The following PTTG1IP2 variants were observed in gnomAD, a reference collection of about 807,000 sequenced individuals.
PTTG1IP2 encodes the protein PTTG1IP family member 2.
At chr7:90,478,112 A>G (rs993984670) in intron 1 of PTTG1IP2, among the ~76,000 whole-genome samples, 11 of 151,500 alleles carry the variant, frequency 7.3e-5, no homozygotes, top group Admixed American at 2.0e-4. Context: ...AAAAAAAAAA[A>G]AAAAGAAAAA....
Position 90,497,435 on chromosome 7 carries a change from G to A in PTTG1IP2, c.*50+3005G>A, listed in dbSNP as rs367833015. 3.3e-3 allele frequency among the ~76,000 whole-genome samples: 502 copies of A among 151,888 alleles called. 3 individuals are homozygous for A. Among genetic ancestry groups the A allele is most frequent in the African/African-American group, 0.011 (445 of 41,388 alleles). On this transcript the variant is annotated intron_variant, in intron 6 of 6. Coordinates refer to ENST00000509356, the MANE Select transcript of PTTG1IP2 (RefSeq NM_001365443.2). The stretch of plus-strand genomic sequence containing the variant: ...AAAAATTAGCCGGGCGTGGCGGCGG[G>A]CGCCTGTAGTCCCAGCTACTCGGGA...
chr7:90,496,012 A>G (rs979103588), intron 6 of PTTG1IP2, among the ~76,000 whole-genome samples: 9 of 152,358 alleles, frequency 5.9e-5, no homozygotes, highest in Admixed American at 2.6e-4. Context: ...GATTTTCCCC[A>G]CTGACATAAA....
chr7:90,485,166 T>C (rs1293137086), intron 2 of PTTG1IP2, among the ~76,000 whole-genome samples: 1 of 152,136 alleles, frequency 6.6e-6, no homozygotes, highest in Non-Finnish European at 1.5e-5. Flanking sequence ...AAAAGAAGAA[T>C]GGGGACACAA....
chr7:90,480,496 T>A (rs1797803583), intron 2 of PTTG1IP2, among the ~76,000 whole-genome samples: 1 of 152,206 alleles, frequency 6.6e-6, no homozygotes. Flanking sequence ...TCAATTTTTT[T>A]AATGTATGCT....
At chr7:90,484,601 G>T (rs1797848025) in intron 2 of PTTG1IP2, among the ~76,000 whole-genome samples, 1 of 152,110 alleles carries the variant, frequency 6.6e-6, no homozygotes, top group Non-Finnish European at 1.5e-5. Flanking sequence ...TAGGAATGTT[G>T]AATATATTAT....
chr7:90,502,779 G>T (rs1284731526), intron 6 of PTTG1IP2, among the ~76,000 whole-genome samples: 1 of 152,182 alleles, frequency 6.6e-6, no homozygotes, highest in Non-Finnish European at 1.5e-5. Flanking sequence ...CTATCATCTA[G>T]GCTTTGGCAT....
intron 4 of PTTG1IP2, among the ~76,000 whole-genome samples, chr7:90,491,857 G>T (rs1020163763): frequency 4.6e-5 from 7 of 152,162 alleles, no homozygotes; most frequent in Non-Finnish European, 4.4e-5. Flanking sequence ...AAGACCAGGT[G>T]CAGTGGTTCA....
intron 4 of PTTG1IP2, among the ~76,000 whole-genome samples, chr7:90,491,146 G>A (rs1005883): frequency 0.61 from 92,610 of 152,030 alleles, 29,034 homozygotes; most frequent in Non-Finnish European, 0.68. Flanking sequence ...TAATATTATT[G>A]TTCAATAGTT....
chr7:90,489,875 C>T (rs1797919464), intron 4 of PTTG1IP2, among the ~76,000 whole-genome samples: 1 of 151,990 alleles, frequency 6.6e-6, no homozygotes, highest in Non-Finnish European at 1.5e-5. Context: ...CAGCTTACTT[C>T]ATGTTACTTA....
At chr7:90,480,535 C>T (rs758214702) in intron 2 of PTTG1IP2, among the ~76,000 whole-genome samples, 2 of 151,790 alleles carry the variant, frequency 1.3e-5, no homozygotes, top group Non-Finnish European at 2.9e-5. Context: ...TATTTTGAAG[C>T]AAATGATGAT....
intron 2 of PTTG1IP2, among the ~76,000 whole-genome samples, chr7:90,484,012 T>C (rs577725039): frequency 1.2e-4 from 18 of 152,036 alleles, no homozygotes; most frequent in Non-Finnish European, 2.2e-4. Flanking sequence ...AGCTGCTTGA[T>C]TGGCATTTCT....
At chr7:90,497,592 A>C (rs1798009890) in intron 6 of PTTG1IP2, among the ~76,000 whole-genome samples, 1 of 149,904 alleles carries the variant, frequency 6.7e-6, no homozygotes, top group Admixed American at 6.6e-5. Context: ...AAAAGTTAAA[A>C]AGTTAGCCAG....
intron 6 of PTTG1IP2, among the ~76,000 whole-genome samples, chr7:90,505,230 A>T (rs1028658712): frequency 5.0e-4 from 76 of 152,366 alleles, no homozygotes; most frequent in African/African-American, 1.8e-3. Flanking sequence ...ATGCCTTTTC[A>T]GAAAAAGGCA....
chr7:90,471,777 A>G (rs1797690261), intron 1 of PTTG1IP2, among the ~76,000 whole-genome samples: 1 of 152,166 alleles, frequency 6.6e-6, no homozygotes, highest in Admixed American at 6.6e-5. Flanking sequence ...CGAAGATGAG[A>G]AGAGGAAATG....
chr7:90,472,316 A>G (rs1339576795), intron 1 of PTTG1IP2, among the ~76,000 whole-genome samples: 4 of 99,006 alleles, frequency 4.0e-5, no homozygotes, highest in Non-Finnish European at 8.7e-5. Context: ...ACACACACAC[A>G]CACACCCCAA....
intron 1 of PTTG1IP2, among the ~76,000 whole-genome samples, chr7:90,472,523 G>A (rs573635461): frequency 1.8e-4 from 27 of 152,328 alleles, no homozygotes; most frequent in South Asian, 1.7e-3. Context: ...TATAAGGCAA[G>A]GCTTCCGAGT....
intron 2 of PTTG1IP2, among the ~76,000 whole-genome samples, chr7:90,483,723 C>A (rs1272692364): frequency 6.6e-6 from 1 of 152,214 alleles, no homozygotes; most frequent in Non-Finnish European, 1.5e-5. Context: ...CTTTTGGAAA[C>A]TTGCTCCTTC....
chr7:90,499,531 G>A (rs944203912), intron 6 of PTTG1IP2, among the ~76,000 whole-genome samples: 2 of 152,094 alleles, frequency 1.3e-5, no homozygotes, highest in African/African-American at 4.8e-5. Flanking sequence ...AATGCATAAT[G>A]TAAAAAGGTA....
At chr7:90,497,624 G>A (rs1352366569) in intron 6 of PTTG1IP2, among the ~76,000 whole-genome samples, 1 of 146,526 alleles carries the variant, frequency 6.8e-6, no homozygotes, top group Non-Finnish European at 1.5e-5. Context: ...GGGTGGGGCA[G>A]GAGGAGCCCT....
Sources: gnomAD v4.1 joint callset for allele counts (sites outside exome capture counted in the v4.1 genomes callset) on GRCh38, gnomAD v4.1.1 for gene constraint, MANE v1.5 for transcripts, NCBI Gene and HGNC (gene_info 2026-07-23, HGNC 2026-07-21) for gene names.